FAM124B: variants seen among roughly 807,000 people sequenced by gnomAD.
FAM124B encodes family with sequence similarity 124 member B, also known as protein FAM124B.
A neutral mutation model predicts 19.7 loss-of-function variants in FAM124B; 18 were observed. The observed-to-expected ratio is 0.92, with a 90% CI of 0.63 to 1.36. FAM124B has a LOEUF of 1.36. FAM124B is among the 40% of genes most tolerant of loss of function. The pLI is 0.00. For missense variants in FAM124B, 540 were observed against 553.3 expected (o/e 0.98, Z 0.24); for synonymous variants, 223 against 225.2 (o/e 0.99, Z 0.09).
chr2:224,397,075 A>G (rs1048974733), intron 1 of FAM124B, among the ~76,000 whole-genome samples: 1 of 152,086 alleles, frequency 6.6e-6, no homozygotes, highest in African/African-American at 2.4e-5. Context: ...TTCGAAACAG[A>G]GTGATATGGT....
chr2:224,400,311 A>G (rs1192767803), intron 1 of FAM124B: 5 of 572,796 alleles, frequency 8.7e-6, no homozygotes, highest in Non-Finnish European at 1.6e-5. Context: ...ATCCCTAAAC[A>G]AGCTCGGCCA....
At chr2:224,387,046 T>C (rs1032213709) in intron 1 of FAM124B, among the ~76,000 whole-genome samples, 1 of 152,154 alleles carries the variant, frequency 6.6e-6, no homozygotes, top group African/African-American at 2.4e-5. Flanking sequence ...GTTATTAACA[T>C]AGAAATGCAG....
rs754913329 is a variant in FAM124B, at chr2:224,401,538, C to T, written c.231G>A (p.Pro77=). ...MSVLLFLHES[P]GEDRLFRVLD... ...GGACGCGAAATAGCCTATCCTCTCCCGGGCTTTCGTGCAGGAAGAGCAACA... is the reference window on the plus strand; with the variant it reads ...GGACGCGAAATAGCCTATCCTCTCCTGGGCTTTCGTGCAGGAAGAGCAACA... The change falls in exon 1 of 2, where the codon CCG becomes CCA. Residue 77 remains proline, a synonymous_variant. Transcript: ENST00000409685. 8.7e-6 allele frequency: 14 copies of T among 1,613,996 alleles called. No homozygotes were observed. Among genetic ancestry groups the T allele is most frequent in the Admixed American group, 1.7e-5 (1 of 59,998 alleles).
rs1412777832 is a variant in FAM124B, at chr2:224,401,347, G to C, written c.422C>G (p.Thr141Arg). The change falls in exon 1 of 2, where the codon ACG becomes AGG. Residue 141 changes from threonine (T) to arginine (R), a missense_variant. Thr to Arg is a moderately conservative substitution (Grantham distance 71). Transcript: ENST00000409685. The part of the protein sequence containing the change: ...VHCGSEILRV[T>R]LYCSFDNYED... ...ATAGTTATCAAAACTGCAGTACAGC[G>C]TCACCCTCAGGATCTCGGAGCCACA... 6.2e-7 allele frequency: 1 copy of C among 1,613,996 alleles called. No individual in the cohort carries two copies. Among genetic ancestry groups the C allele is most frequent in the Non-Finnish European group, 8.5e-7 (1 of 1,180,004 alleles).
At chr2:224,383,784 C>T (rs943174084) in intron 1 of FAM124B, among the ~76,000 whole-genome samples, 1 of 152,158 alleles carries the variant, frequency 6.6e-6, no homozygotes, top group Non-Finnish European at 1.5e-5. Flanking sequence ...GCCATCATTG[C>T]CTCTTGGAGA....
intron 1 of FAM124B, among the ~76,000 whole-genome samples, chr2:224,381,776 G>C (rs1372319783): frequency 6.6e-6 from 1 of 152,086 alleles, no homozygotes; most frequent in Admixed American, 6.6e-5. Context: ...GGCTCTTTTC[G>C]GGGGGAAGGT....
chr2:224,387,023 AAGTG>A (rs1477366129), intron 1 of FAM124B, among the ~76,000 whole-genome samples: 1 of 152,188 alleles, frequency 6.6e-6, no homozygotes, highest in Non-Finnish European at 1.5e-5. Flanking sequence ...CAGAGGGCAA[AAGTG>A]AGTGTAAGGT....
At chr2:224,386,540 C>T (rs187444104) in intron 1 of FAM124B, among the ~76,000 whole-genome samples, 36 of 152,248 alleles carry the variant, frequency 2.4e-4, no homozygotes, top group Admixed American at 4.6e-4. Context: ...GATAGTCGTG[C>T]CTTGCATGTG....
chr2:224,389,138 G>A (rs1405470164), intron 1 of FAM124B, among the ~76,000 whole-genome samples: 2 of 152,028 alleles, frequency 1.3e-5, no homozygotes, highest in Non-Finnish European at 2.9e-5. Flanking sequence ...TACCATGTTG[G>A]CCAGGCTGGT....
intron 1 of FAM124B, among the ~76,000 whole-genome samples, chr2:224,387,962 G>A (rs565522714): frequency 6.6e-6 from 1 of 152,194 alleles, no homozygotes; most frequent in African/African-American, 2.4e-5. Context: ...TGAAACACAT[G>A]CTTGCTTATG....
chr2:224,398,807 C>A (rs747106767), intron 1 of FAM124B, among the ~76,000 whole-genome samples: 190 of 152,154 alleles, frequency 1.2e-3, no homozygotes, highest in Non-Finnish European at 2.4e-3. Context: ...GAAACCCCAT[C>A]TCCACTAAAA....
At chr2:224,397,737 G>A (rs745420988) in intron 1 of FAM124B, among the ~76,000 whole-genome samples, 29 of 152,156 alleles carry the variant, frequency 1.9e-4, no homozygotes, top group Non-Finnish European at 3.2e-4. Flanking sequence ...AGAAACTGGC[G>A]GCATTTTGCC....
chr2:224,401,190 CG>C lies in FAM124B; in HGVS notation c.578del (p.Pro193ArgfsTer23). 6.2e-7 allele frequency: 1 copy of C among 1,614,062 alleles called. No individual in the cohort carries two copies. On this transcript the variant is annotated frameshift_variant, in exon 1 of 2. Transcript: ENST00000409685. LOFTEE classifies it high-confidence loss of function. ...ACTCTTTGGGGTCCACTGACATTCCCGGGGGCAGCTGCTTCAGGGAGAGCTG... is the reference window on the plus strand; with the variant it reads ...ACTCTTTGGGGTCCACTGACATTCCCGGGGCAGCTGCTTCAGGGAGAGCTG... ...ALQLSLKQLP[P>X]GMSVDPKESS...
intron 1 of FAM124B, among the ~76,000 whole-genome samples, chr2:224,386,496 T>G (rs1279288903): frequency 1.3e-5 from 2 of 152,218 alleles, no homozygotes; most frequent in Non-Finnish European, 2.9e-5. Flanking sequence ...GATAAATAAG[T>G]GCTAACATCA....
intron 1 of FAM124B, among the ~76,000 whole-genome samples, chr2:224,390,114 TACACACACAC>T (rs59825011): frequency 0.029 from 3,823 of 131,790 alleles, 88 homozygotes; most frequent in African/African-American, 0.058. Context: ...GTCTTTGAAA[TACACACACAC>T]ACACACACAC....
intron 1 of FAM124B, among the ~76,000 whole-genome samples, chr2:224,391,341 CAAA>C (rs754536476): frequency 4.0e-3 from 269 of 67,340 alleles, no homozygotes; most frequent in African/African-American, 0.012. Flanking sequence ...ACTCTTGTCT[CAAA>C]AAAAAAAAAA....
At chr2:224,385,469 CT>C (rs1433843985) in intron 1 of FAM124B, among the ~76,000 whole-genome samples, 1 of 152,170 alleles carries the variant, frequency 6.6e-6, no homozygotes, top group Non-Finnish European at 1.5e-5. Context: ...GTCCTCTTTT[CT>C]TCTCACTCTA....
chr2:224,383,639 A>G (rs908210053), intron 1 of FAM124B, among the ~76,000 whole-genome samples: 1 of 152,152 alleles, frequency 6.6e-6, no homozygotes, highest in Non-Finnish European at 1.5e-5. Flanking sequence ...AATCACCCCC[A>G]AATTCTCACT....
chr2:224,382,879 A>G (rs571573895), intron 1 of FAM124B, among the ~76,000 whole-genome samples: 87 of 152,174 alleles, frequency 5.7e-4, no homozygotes, highest in South Asian at 1.0e-3. Flanking sequence ...GAATATCTAA[A>G]TTCTACCCCT....
Sources: allele counts gnomAD v4.1 joint callset (sites outside exome capture counted in the v4.1 genomes callset), GRCh38; gene constraint gnomAD v4.1.1; transcripts MANE v1.5; gene names NCBI Gene and HGNC (gene_info 2026-07-23, HGNC 2026-07-21).